EIF3E: variants seen among roughly 807,000 people sequenced by gnomAD.
EIF3E encodes eukaryotic translation initiation factor 3 subunit E.
In EIF3E, 25 loss-of-function variants were observed where a neutral mutation model predicts 59.3. The ratio of observed to expected loss-of-function variants is 0.42; its 90% CI spans 0.31 to 0.59. EIF3E has a LOEUF of 0.59. Among genes scored for constraint, EIF3E ranks in the 20% least tolerant of loss-of-function variants. EIF3E has a pLI of 0.15. For missense variants in EIF3E, 317 were observed against 534.3 expected (o/e 0.59, Z 4.01); for synonymous variants, 176 against 170.2 (o/e 1.03, Z -0.26).
chr8:108,212,072 T>C (rs1024164788), intron 10 of EIF3E, among the ~76,000 whole-genome samples: 1 of 152,242 alleles, frequency 6.6e-6, no homozygotes, highest in Non-Finnish European at 1.5e-5. Flanking sequence ...CCTAGCTTAA[T>C]GTCCTTGAGC....
chr8:108,248,067 A>ATAC (rs1815982358), intron 1 of EIF3E, among the ~76,000 whole-genome samples: 1 of 151,700 alleles, frequency 6.6e-6, no homozygotes, highest in Non-Finnish European at 1.5e-5. Flanking sequence ...CTGACGAAAT[A>ATAC]TGCTGTTCTA....
intron 1 of EIF3E, chr8:108,242,184 T>TA: frequency 2.2e-6 from 3 of 1,334,258 alleles, no homozygotes; most frequent in Non-Finnish European, 2.9e-6. Flanking sequence ...CCTTATTTTT[T>TA]ATGTGTCCCT....
In EIF3E at chr8:108,217,330, T is replaced by A; in HGVS notation, c.849+4A>T. On this transcript the variant is annotated splice_donor_region_variant and intron_variant, in intron 8 of 12. Transcript: ENST00000220849. ...AAAAAAATCAATATATATTTTAGTTTTACCTGTTGAATAACTTTAACTAGA... is the reference window on the plus strand; with the variant it reads ...AAAAAAATCAATATATATTTTAGTTATACCTGTTGAATAACTTTAACTAGA... 1.3e-6 allele frequency: 2 copies of A among 1,532,586 alleles called. No individual in the cohort carries two copies. The highest frequency in any genetic ancestry group is 1.8e-6 in the Non-Finnish European group (2 of 1,141,422). The allele number at this position is 1,532,586 out of a possible 1,614,324, so 94.9% of individuals were successfully genotyped here.
chr8:108,246,284 TGGG>T (rs59396353), intron 1 of EIF3E, among the ~76,000 whole-genome samples: 20,278 of 126,614 alleles, frequency 0.16, 3,852 homozygotes, highest in African/African-American at 0.48. Flanking sequence ...TAAGGGGGTG[TGGG>T]GGGGGGGGGC....
At chr8:108,228,602 T>A (rs1469225778) in intron 6 of EIF3E, among the ~76,000 whole-genome samples, 1 of 152,116 alleles carries the variant, frequency 6.6e-6, no homozygotes, top group African/African-American at 2.4e-5. Context: ...AGAGACAGAT[T>A]CAATAATGTC....
intron 2 of EIF3E, among the ~76,000 whole-genome samples, chr8:108,241,178 G>A (rs1052103014): frequency 6.6e-6 from 1 of 152,050 alleles, no homozygotes; most frequent in Non-Finnish European, 1.5e-5. Flanking sequence ...ATCAAATTTT[G>A]AGAAATGCCA....
intron 3 of EIF3E, among the ~76,000 whole-genome samples, chr8:108,236,699 A>G (rs1241741268): frequency 3.3e-5 from 5 of 152,194 alleles, no homozygotes; most frequent in African/African-American, 1.2e-4. Flanking sequence ...ATTTTTCAAA[A>G]GGACGATTTG....
At chr8:108,205,378 C>T (rs1322784677) in intron 10 of EIF3E, among the ~76,000 whole-genome samples, 1 of 152,156 alleles carries the variant, frequency 6.6e-6, no homozygotes, top group Non-Finnish European at 1.5e-5. Context: ...CTAGTCACTA[C>T]CCTAGTCCAG....
Position 108,228,379 on chromosome 8 carries a change from G to C in EIF3E, c.610C>G (p.Pro204Ala). 3 of 1,550,900 alleles carry C rather than the reference G, an allele frequency of 1.9e-6. No individual in the cohort carries two copies. The highest frequency in any genetic ancestry group is 2.6e-6 in the Non-Finnish European group (3 of 1,150,052). ...GTTCTCTGCTGAAGAGACTGAAGTG[G>C]AGAACTCACAGACTAAAGGATTTAA... ...ETIDNNSVSS[P>A]LQSLQQRTWL... The change falls in exon 7 of 13, where the codon CCA (proline) becomes GCA (alanine). Residue 204 changes from proline (P) to alanine (A), a missense_variant. Coordinates refer to ENST00000220849, the MANE Select transcript of EIF3E (RefSeq NM_001568.3).
intron 10 of EIF3E, among the ~76,000 whole-genome samples, chr8:108,213,574 C>T (rs1815249664): frequency 6.6e-6 from 1 of 152,216 alleles, no homozygotes; most frequent in African/African-American, 2.4e-5. Flanking sequence ...CCCTCTTTCA[C>T]AAGCCCTAAT....
intron 11 of EIF3E, 100 bp from the exon 12 acceptor site, chr8:108,203,217 TGTATAGAGATGACAATA>T: frequency 1.1e-6 from 1 of 895,510 alleles, no homozygotes; most frequent in South Asian, 2.3e-5. Context: ...TTTAATGCAC[TGTATAGAGATGACAATA>T]TTTACCAAGG....
In EIF3E at chr8:108,210,726, C is replaced by T. The variant is rs546457292; in HGVS notation, c.1061+3881G>A. The stretch of plus-strand genomic sequence containing the variant: ...CTCGTCATTTACATTAGGTATATCT[C>T]CTAATGCTATCCCTCCCCACTCCCC... On this transcript the variant is annotated intron_variant, in intron 10 of 12. Coordinates refer to ENST00000220849, the MANE Select transcript of EIF3E (RefSeq NM_001568.3). Among the ~76,000 whole-genome samples the T allele has an allele frequency of 1.4e-3, 208 of 152,216 alleles. 1 individual carries two copies. Among genetic ancestry groups the T allele is most frequent in the African/African-American group, 4.9e-3 (203 of 41,532 alleles).
intron 10 of EIF3E, among the ~76,000 whole-genome samples, chr8:108,205,799 G>A: frequency 6.6e-6 from 1 of 152,052 alleles, no homozygotes; most frequent in East Asian, 1.9e-4. Context: ...CTTAGTAATG[G>A]CCCCAAAGTA....
chr8:108,226,654 G>A (rs1030985775), intron 7 of EIF3E, among the ~76,000 whole-genome samples: 1 of 152,122 alleles, frequency 6.6e-6, no homozygotes, highest in African/African-American at 2.4e-5. Context: ...TAACTTTAAT[G>A]TTTGAGGAGG....
chr8:108,215,403 G>A (rs1815283007), intron 9 of EIF3E, among the ~76,000 whole-genome samples: 1 of 152,106 alleles, frequency 6.6e-6, no homozygotes, highest in Non-Finnish European at 1.5e-5. Flanking sequence ...CAGATCACAA[G>A]ATCAGGAGAT....
intron 3 of EIF3E, among the ~76,000 whole-genome samples, chr8:108,239,608 T>C (rs79348854): frequency 0.02 from 3,037 of 152,154 alleles, 87 homozygotes; most frequent in African/African-American, 0.066. Flanking sequence ...ATAACTGGCC[T>C]CTACTCACTA....
At chr8:108,242,601 A>T in intron 1 of EIF3E, 1 of 1,169,634 alleles carries the variant, frequency 8.5e-7, no homozygotes, top group Non-Finnish European at 1.1e-6. Flanking sequence ...ATGCCACAAT[A>T]TTTCACTGCC....
Position 108,248,687 on chromosome 8 carries a change from A to G in EIF3E, c.16T>C (p.Leu6=), listed in dbSNP as rs1349678176. The G allele has an allele frequency of 1.9e-6, 3 of 1,614,090 alleles. No individual in the cohort carries two copies. In the East Asian group the frequency reaches 6.7e-5, roughly 36 times the overall value. The change falls in exon 1 of 13, where the codon TTG becomes CTG. Residue 6 remains leucine, a synonymous_variant. Transcript: ENST00000220849. ...AAAAAGTGCGCGATGCGAGTAGTCA[A>G]GTCGTACTCCGCCATCTTGCCAAAG... is the stretch of plus-strand genomic sequence containing the variant. MAEYD[L]TTRIAHFLDR... is the part of the protein sequence containing the mutation.
intron 1 of EIF3E, chr8:108,242,355 A>G: frequency 5.4e-6 from 7 of 1,289,504 alleles, no homozygotes; most frequent in Non-Finnish European, 7.1e-6. Flanking sequence ...ACCTGCACCA[A>G]GTTTTTAAGT....
Sources: allele counts gnomAD v4.1 joint callset (sites outside exome capture counted in the v4.1 genomes callset), GRCh38; gene constraint gnomAD v4.1.1; transcripts MANE v1.5; gene names NCBI Gene and HGNC (gene_info 2026-07-23, HGNC 2026-07-21).